RAB1A: variants seen among roughly 807,000 people sequenced by gnomAD.
The protein encoded by RAB1A is RAB1A, member RAS oncogene family.
A neutral mutation model predicts 26.0 loss-of-function variants in RAB1A; 2 were observed. That is an observed-to-expected ratio of 0.08 (90% CI 0.03 to 0.24). RAB1A has a LOEUF of 0.24. Among genes scored for constraint, RAB1A ranks in the 10% least tolerant of loss-of-function variants. RAB1A has a pLI of 1.00. For synonymous variants in RAB1A, 84 were observed against 84.9 expected, an observed-to-expected ratio of 0.99 and a Z score of 0.06; for missense variants, 100 against 247.0, an observed-to-expected ratio of 0.40 and a Z score of 3.99.
At chr2:65,100,485 C>A (rs1000643226) in intron 2 of RAB1A, among the ~76,000 whole-genome samples, 10 of 150,506 alleles carry the variant, frequency 6.6e-5, no homozygotes, top group African/African-American at 2.5e-4. Context: ...AGAGGCCAGG[C>A]GCAGTGGCTC....
At chr2:65,100,551 G>A (rs1177406341) in intron 2 of RAB1A, among the ~76,000 whole-genome samples, 1 of 151,982 alleles carries the variant, frequency 6.6e-6, no homozygotes, top group East Asian at 1.9e-4. Context: ...CTTTAGATCA[G>A]GAGTTCAAGA....
intron 3 of RAB1A, among the ~76,000 whole-genome samples, chr2:65,091,434 C>T (rs1478419691): frequency 6.6e-6 from 1 of 152,208 alleles, no homozygotes. Context: ...GACAAACTCA[C>T]TTGCTAGCAC....
intron 1 of RAB1A, among the ~76,000 whole-genome samples, chr2:65,114,555 T>C (rs1188399702): frequency 1.3e-5 from 2 of 152,116 alleles, no homozygotes; most frequent in Non-Finnish European, 2.9e-5. Context: ...TACAACAGTT[T>C]AAGGGGGGCC....
intron 3 of RAB1A, among the ~76,000 whole-genome samples, chr2:65,091,846 G>GA (rs1669179223): frequency 6.6e-6 from 1 of 151,988 alleles, no homozygotes; most frequent in Non-Finnish European, 1.5e-5. Context: ...TCATCCTAGA[G>GA]AAAAAAATGT....
chr2:65,098,096 G>A (rs1474500224), intron 2 of RAB1A, 30 bp from the exon 3 acceptor site: 2 of 1,260,710 alleles, frequency 1.6e-6, no homozygotes, highest in Non-Finnish European at 1.1e-6. Flanking sequence ...ACAATTAAAT[G>A]TATTGTTCAG....
chr2:65,100,585 C>A (rs1181669167), intron 2 of RAB1A, among the ~76,000 whole-genome samples: 1 of 151,382 alleles, frequency 6.6e-6, no homozygotes, highest in East Asian at 1.9e-4. Context: ...CATGGTGAAA[C>A]CCTGTCTCTA....
chr2:65,109,653 T>C (rs1172622607), intron 1 of RAB1A, among the ~76,000 whole-genome samples: 1 of 147,110 alleles, frequency 6.8e-6, no homozygotes, highest in Non-Finnish European at 1.5e-5. Flanking sequence ...GAGGTTGCAG[T>C]GAGGAGAGAC....
chr2:65,126,313 C>A (rs1670100695), intron 1 of RAB1A, among the ~76,000 whole-genome samples: 1 of 149,866 alleles, frequency 6.7e-6, no homozygotes, highest in Admixed American at 6.7e-5. Flanking sequence ...GACTCCATCT[C>A]GAAAAAAAGA....
At chr2:65,124,263 G>A (rs1445152161) in intron 1 of RAB1A, among the ~76,000 whole-genome samples, 1 of 152,084 alleles carries the variant, frequency 6.6e-6, no homozygotes, top group Non-Finnish European at 1.5e-5. Flanking sequence ...TTACAGGCGT[G>A]AGACACCTCG....
At position 65,087,381 on chromosome 2, in the gene RAB1A, C is replaced by G. The variant is rs902281424; in HGVS notation, c.*1112G>C. 2 of 152,620 alleles carry G rather than the reference C, an allele frequency of 1.3e-5. No individual in the cohort carries two copies. The highest frequency in any genetic ancestry group is 2.9e-5 in the Non-Finnish European group (2 of 68,038). 9.5% of individuals were successfully genotyped at this position (152,620 alleles called of 1,614,324 possible). A position where few individuals can be genotyped will look rare whatever the true frequency, so the allele number is the denominator to read the frequency against. ...AGCAATCAAATTTCCTGCTTCCTAT[C>G]TTAATGCTTAAACCCTCCTCCAACA... On this transcript the variant is annotated 3_prime_UTR_variant, in exon 6 of 6. Transcript: ENST00000409784.
intron 1 of RAB1A, among the ~76,000 whole-genome samples, chr2:65,125,025 A>G (rs1176418428): frequency 6.7e-6 from 1 of 150,060 alleles, no homozygotes; most frequent in Non-Finnish European, 1.5e-5. Context: ...AGTTTTGTTA[A>G]AAATTATTTG....
intron 3 of RAB1A, among the ~76,000 whole-genome samples, chr2:65,092,140 G>C (rs1423543222): frequency 6.6e-6 from 1 of 152,122 alleles, no homozygotes; most frequent in Non-Finnish European, 1.5e-5. Context: ...AAGTATGCTG[G>C]CGTGCGCCTG....
At chr2:65,124,686 G>T (rs1379867386) in intron 1 of RAB1A, among the ~76,000 whole-genome samples, 1 of 152,122 alleles carries the variant, frequency 6.6e-6, no homozygotes, top group Non-Finnish European at 1.5e-5. Context: ...GACCTCAGGT[G>T]ATCTACCGCC....
At chr2:65,125,920 G>A (rs1235621971) in intron 1 of RAB1A, among the ~76,000 whole-genome samples, 2 of 135,336 alleles carry the variant, frequency 1.5e-5, no homozygotes, top group African/African-American at 5.7e-5. Context: ...TGCCCAGGCT[G>A]GAGTGCAATG....
intron 2 of RAB1A, among the ~76,000 whole-genome samples, chr2:65,103,299 C>CAAAAAGAAAAAAAAAA (rs1669475911): frequency 2.3e-5 from 1 of 44,106 alleles, no homozygotes; most frequent in Non-Finnish European, 4.6e-5. Context: ...GAATCTGTCT[C>CAAAAAGAAAAAAAAAA]AAAAAAAAAA....
chr2:65,095,041 T>TA (rs1270327839), intron 3 of RAB1A, among the ~76,000 whole-genome samples: 1 of 152,038 alleles, frequency 6.6e-6, no homozygotes, highest in Non-Finnish European at 1.5e-5. Context: ...TATAAAGAAT[T>TA]AACATGTCTC....
At position 65,130,058 on chromosome 2, in the gene RAB1A, G is replaced by A. The variant is rs1490801896; in HGVS notation, c.-143C>T. On this transcript the variant is annotated 5_prime_UTR_variant, in exon 1 of 6. Transcript: ENST00000409784. ...ACGTCTTCCCCTACTCCGTCCCCTA[G>A]AACACAATCAGCAGCCGCCGCCACT... is the stretch of plus-strand genomic sequence containing the variant. 1 of 933,922 alleles carries A rather than the reference G, an allele frequency of 1.1e-6. No homozygotes were observed. Among genetic ancestry groups the A allele is most frequent in the African/African-American group, 1.6e-5 (1 of 61,174 alleles). 57.9% of individuals were successfully genotyped at this position (933,922 alleles called of 1,614,324 possible).
chr2:65,113,103 T>A (rs1365967472), intron 1 of RAB1A, among the ~76,000 whole-genome samples: 1 of 152,124 alleles, frequency 6.6e-6, no homozygotes, highest in Non-Finnish European at 1.5e-5. Context: ...TTGCTAACAT[T>A]AGAATTGTCT....
chr2:65,130,045 A>C lies in RAB1A; in HGVS notation c.-130T>G. ...TCCGGGAGAGCAAACGTCTTCCCCT[A>C]CTCCGTCCCCTAGAACACAATCAGC... On this transcript the variant is annotated 5_prime_UTR_variant, in exon 1 of 6. Transcript: ENST00000409784. The C allele has an allele frequency of 2.0e-6, 2 of 1,024,412 alleles. No individual in the cohort carries two copies. The highest frequency in any genetic ancestry group is 1.5e-6 in the Non-Finnish European group (1 of 676,950). 63.5% of individuals were successfully genotyped at this position (1,024,412 alleles called of 1,614,324 possible). A position where few individuals can be genotyped will look rare whatever the true frequency, so the allele number is the denominator to read the frequency against.
Sources: allele counts gnomAD v4.1 joint callset (sites outside exome capture counted in the v4.1 genomes callset), GRCh38; gene constraint gnomAD v4.1.1; transcripts MANE v1.5; gene names NCBI Gene and HGNC (gene_info 2026-07-23, HGNC 2026-07-21).